The following CNTNAP2 variants were observed in gnomAD, a reference collection of about 807,000 sequenced individuals.
CNTNAP2 encodes contactin-associated protein-like 2.
A neutral mutation model predicts 155.2 loss-of-function variants in CNTNAP2; 98 were observed. The observed-to-expected ratio is 0.63, with a 90% CI of 0.54 to 0.75. The LOEUF (loss-of-function observed/expected upper bound fraction) is 0.75. Ranked by LOEUF, CNTNAP2 falls within the 30% of genes least tolerant of loss-of-function variation. The pLI is 0.00. For missense variants in CNTNAP2, 1,727 were observed against 1,688.1 expected, an observed-to-expected ratio of 1.02 and a Z score of -0.40; for synonymous variants, 651 against 631.2, an observed-to-expected ratio of 1.03 and a Z score of -0.47.
At chr7:146,914,049 C>T (rs1308244163) in intron 3 of CNTNAP2, among the ~76,000 whole-genome samples, 1 of 152,016 alleles carries the variant, frequency 6.6e-6, no homozygotes, top group South Asian at 2.1e-4. Context: ...ATAATGGTCT[C>T]CAGTTTCATC....
intron 21 of CNTNAP2, among the ~76,000 whole-genome samples, chr7:148,351,226 T>C (rs1348334499): frequency 1.3e-5 from 2 of 152,176 alleles, no homozygotes. Context: ...GTAGGGAGGC[T>C]AGTGGGGAGG....
At chr7:148,304,948 G>T (rs1265801626) in intron 21 of CNTNAP2, among the ~76,000 whole-genome samples, 1 of 150,720 alleles carries the variant, frequency 6.6e-6, no homozygotes, top group East Asian at 2.0e-4. Context: ...AGGCATGGTG[G>T]TTCATTCCTA....
At chr7:148,325,985 C>T (rs567660753) in intron 21 of CNTNAP2, among the ~76,000 whole-genome samples, 1 of 152,284 alleles carries the variant, frequency 6.6e-6, no homozygotes, top group Non-Finnish European at 1.5e-5. Flanking sequence ...CCTCCAGTAC[C>T]TCCTTCTGTT....
intron 21 of CNTNAP2, among the ~76,000 whole-genome samples, chr7:148,311,665 G>A (rs1797597833): frequency 6.6e-6 from 1 of 152,140 alleles, no homozygotes; most frequent in South Asian, 2.1e-4. Flanking sequence ...GATGGAAGAA[G>A]TTACTTCCTT....
intron 10 of CNTNAP2, among the ~76,000 whole-genome samples, chr7:147,476,460 T>C (rs1327889692): frequency 6.9e-6 from 1 of 144,854 alleles, no homozygotes; most frequent in African/African-American, 2.4e-5. Flanking sequence ...AGTTTCCCGT[T>C]AGTAGTGTTT....
chr7:146,935,827 A>T lies in CNTNAP2; in HGVS notation c.402+95923A>T, dbSNP rs538601418. On this transcript the variant is annotated intron_variant, in intron 3 of 23. Transcript: ENST00000361727. ...AATCAAGCGAGTAAACTCTTTATCT[A>T]GCTCATTCTTTGATCTATTTGATTT... Among the ~76,000 whole-genome samples the T allele has an allele frequency of 1.3e-5, 2 of 152,276 alleles. 1 individual carries two copies. The highest frequency in any genetic ancestry group is 4.1e-4 in the South Asian group (2 of 4,828).
chr7:147,061,190 T>A (rs1799663101), intron 4 of CNTNAP2, among the ~76,000 whole-genome samples: 1 of 152,170 alleles, frequency 6.6e-6, no homozygotes, highest in South Asian at 2.1e-4. Flanking sequence ...ATTCTAGGAA[T>A]GTGCTACACA....
intron 1 of CNTNAP2, among the ~76,000 whole-genome samples, chr7:146,309,973 T>A (rs2129090404): frequency 6.6e-6 from 1 of 152,318 alleles, no homozygotes; most frequent in Middle Eastern, 3.4e-3. Flanking sequence ...GCTATCAAAA[T>A]GCAATTGTGA....
intron 5 of CNTNAP2, among the ~76,000 whole-genome samples, chr7:147,113,784 AT>A (rs1362240940): frequency 6.6e-6 from 1 of 151,906 alleles, no homozygotes; most frequent in African/African-American, 2.4e-5. Flanking sequence ...TTTTTGAAGG[AT>A]TTTTTTGTGT....
At chr7:147,268,193 G>A (rs549892036) in intron 8 of CNTNAP2, among the ~76,000 whole-genome samples, 1 of 132,906 alleles carries the variant, frequency 7.5e-6, no homozygotes, top group East Asian at 1.9e-4. Flanking sequence ...TTTATTAAAT[G>A]TCTACTATCT....
chr7:147,417,781 AG>A (rs1416962220), intron 10 of CNTNAP2, among the ~76,000 whole-genome samples: 2 of 152,234 alleles, frequency 1.3e-5, no homozygotes, highest in African/African-American at 4.8e-5. Context: ...TTAAAGCTCA[AG>A]GAGCCCCAGG....
intron 1 of CNTNAP2, among the ~76,000 whole-genome samples, chr7:146,460,407 C>T (rs141949115): frequency 6.6e-6 from 1 of 152,092 alleles, no homozygotes; most frequent in Non-Finnish European, 1.5e-5. Context: ...ACTCTATGAT[C>T]TAGCAATCTT....
Position 148,378,116 on chromosome 7 carries a change from T to C in CNTNAP2, c.3476-5533T>C, listed in dbSNP as rs529258487. ...GTATATTCATTCCTACAGTCACTGG[T>C]GATTACTTTGTCCAAGGCATTATTT... On this transcript the variant is annotated intron_variant, in intron 21 of 23. Coordinates refer to ENST00000361727, the MANE Select transcript of CNTNAP2 (RefSeq NM_014141.6). 5.4e-3 allele frequency among the ~76,000 whole-genome samples: 372 copies of C among 68,368 alleles called. 157 individuals carry two copies. Among genetic ancestry groups the C allele is most frequent in the Non-Finnish European group, 0.012 (285 of 24,260 alleles). The allele number at this position is 68,368 out of a possible 152,430, so 44.9% of individuals were successfully genotyped here. A position where few individuals can be genotyped will look rare whatever the true frequency, so the allele number is the denominator to read the frequency against.
intron 1 of CNTNAP2, among the ~76,000 whole-genome samples, chr7:146,201,594 G>A (rs114354654): frequency 0.015 from 2,231 of 150,816 alleles, 62 homozygotes; most frequent in African/African-American, 0.052. Context: ...CCTGAAAGAA[G>A]AAAAAATTCC....
intron 1 of CNTNAP2, among the ~76,000 whole-genome samples, chr7:146,305,671 A>C (rs572779491): frequency 2.6e-4 from 39 of 152,314 alleles, no homozygotes; most frequent in Non-Finnish European, 5.3e-4. Context: ...AAATGGAGGC[A>C]GAAATAAAGA....
chr7:146,169,988 G>A (rs1798365528), intron 1 of CNTNAP2, among the ~76,000 whole-genome samples: 1 of 151,066 alleles, frequency 6.6e-6, no homozygotes, highest in Admixed American at 6.6e-5. Context: ...CCCAAAAGTG[G>A]GATTGCTGGA....
At chr7:146,634,478 A>AT (rs373268960) in intron 1 of CNTNAP2, among the ~76,000 whole-genome samples, 35 of 151,638 alleles carry the variant, frequency 2.3e-4, no homozygotes, top group East Asian at 3.9e-4. Flanking sequence ...CAATAGAGAG[A>AT]TTTTTTTTAT....
intron 8 of CNTNAP2, among the ~76,000 whole-genome samples, chr7:147,277,691 G>A (rs1390192652): frequency 6.6e-6 from 1 of 151,566 alleles, no homozygotes; most frequent in East Asian, 1.9e-4. Flanking sequence ...ATAGTCTATA[G>A]CTGCTATATT....
intron 6 of CNTNAP2, among the ~76,000 whole-genome samples, chr7:147,126,975 C>G (rs555833067): frequency 6.7e-4 from 102 of 152,138 alleles, no homozygotes; most frequent in African/African-American, 2.3e-3. Flanking sequence ...AATTTGAATC[C>G]CCTGCAGAAA....
Sources: gnomAD v4.1 joint callset for allele counts (sites outside exome capture counted in the v4.1 genomes callset) on GRCh38, gnomAD v4.1.1 for gene constraint, MANE v1.5 for transcripts, NCBI Gene and HGNC (gene_info 2026-07-23, HGNC 2026-07-21) for gene names.